The following DOK6 variants were observed in gnomAD, a reference collection of about 807,000 sequenced individuals.
DOK6 encodes downstream of tyrosine kinase 6.
Under a neutral mutation model 44.0 loss-of-function variants are expected in DOK6, and 22 were observed. The observed-to-expected ratio is 0.50, with a 90% CI of 0.36 to 0.71. The LOEUF (loss-of-function observed/expected upper bound fraction) is 0.71, where lower values mean the gene tolerates loss of function less well. Among genes scored for constraint, DOK6 ranks in the 30% least tolerant of loss-of-function variants. DOK6 has a pLI of 0.00. For missense variants in DOK6, 340 were observed against 416.4 expected, an observed-to-expected ratio of 0.82 and a Z score of 1.60; for synonymous variants, 166 against 145.5, an observed-to-expected ratio of 1.14 and a Z score of -1.01.
chr18:69,757,100 T>A (rs78977821), intron 6 of DOK6, among the ~76,000 whole-genome samples: 1 of 152,252 alleles, frequency 6.6e-6, no homozygotes, highest in African/African-American at 2.4e-5. Context: ...TTCTCAGCAA[T>A]CCTTAAAATG....
At chr18:69,438,585 A>C (rs1476540447) in intron 1 of DOK6, among the ~76,000 whole-genome samples, 1 of 152,202 alleles carries the variant, frequency 6.6e-6, no homozygotes, top group Non-Finnish European at 1.5e-5. Context: ...ATGAATCAGA[A>C]ATGTTCTTCA....
chr18:69,769,840 C>A (rs1979835218), intron 7 of DOK6, among the ~76,000 whole-genome samples: 1 of 152,082 alleles, frequency 6.6e-6, no homozygotes. Flanking sequence ...CACCCCAGTT[C>A]AGAATTTAAC....
At chr18:69,594,194 T>TA (rs1387726455) in intron 2 of DOK6, among the ~76,000 whole-genome samples, 1 of 148,522 alleles carries the variant, frequency 6.7e-6, no homozygotes, top group Non-Finnish European at 1.5e-5. Flanking sequence ...TTTTTTTTTT[T>TA]ACTGAAAGGG....
chr18:69,493,972 G>T (rs1980809450), intron 1 of DOK6, among the ~76,000 whole-genome samples: 1 of 152,156 alleles, frequency 6.6e-6, no homozygotes, highest in Non-Finnish European at 1.5e-5. Context: ...ATTCACACAG[G>T]CCACTTTACT....
intron 2 of DOK6, among the ~76,000 whole-genome samples, chr18:69,592,457 A>G (rs1983644728): frequency 6.6e-6 from 1 of 152,080 alleles, no homozygotes; most frequent in Admixed American, 6.6e-5. Context: ...CTTTGTCTCT[A>G]CTAGCACCGT....
chr18:69,763,218 C>T (rs543412094), intron 7 of DOK6, among the ~76,000 whole-genome samples: 6 of 152,302 alleles, frequency 3.9e-5, no homozygotes, highest in South Asian at 2.1e-4. Flanking sequence ...AATCTCTGTC[C>T]GTAAGTGGTT....
At chr18:69,696,118 G>A (rs1361446549) in intron 4 of DOK6, among the ~76,000 whole-genome samples, 1 of 152,194 alleles carries the variant, frequency 6.6e-6, no homozygotes, top group Non-Finnish European at 1.5e-5. Context: ...CCTATATCAT[G>A]TGAATCTTAT....
At chr18:69,777,772 A>AAAGGATTC (rs1232204327) in intron 7 of DOK6, 1 of 151,310 alleles carries the variant, frequency 6.6e-6, no homozygotes. Context: ...AAAAAAGCAG[A>AAAGGATTC]AAGGATTCAA....
chr18:69,479,598 A>C (rs1980362619), intron 1 of DOK6, among the ~76,000 whole-genome samples: 1 of 152,160 alleles, frequency 6.6e-6, no homozygotes, highest in Non-Finnish European at 1.5e-5. Flanking sequence ...GAAAGGAACC[A>C]ATTCATTAAT....
At chr18:69,513,340 G>A (rs536427931) in intron 1 of DOK6, among the ~76,000 whole-genome samples, 7 of 152,224 alleles carry the variant, frequency 4.6e-5, no homozygotes, top group South Asian at 2.1e-4. Flanking sequence ...TCAGACACAC[G>A]CCTTTGAGCA....
chr18:69,781,189 C>G (rs1428162594), intron 7 of DOK6: 2 of 152,082 alleles, frequency 1.3e-5, no homozygotes, highest in African/African-American at 4.8e-5. Flanking sequence ...CATCTGCACT[C>G]TTAAAGAGGA....
rs568978575 is a variant in DOK6 at position 69,794,122 on chromosome 18, A to G, written c.856+36249A>G. ...TTTTGCTCAGTACATTTATGAAATA[A>G]TCCTGTTATGTGTCTTATGGTGGTC... On this transcript the variant is annotated intron_variant, in intron 7 of 7. Transcript: ENST00000382713. 1.6e-4 allele frequency among the ~76,000 whole-genome samples: 25 copies of G among 152,254 alleles called. 1 individual carries two copies. In the South Asian group the frequency reaches 4.1e-3, roughly 25 times the overall value.
intron 7 of DOK6, among the ~76,000 whole-genome samples, chr18:69,794,445 C>G (rs1980686448): frequency 6.6e-6 from 1 of 152,106 alleles, no homozygotes; most frequent in South Asian, 2.1e-4. Context: ...CTATAATATC[C>G]ATTGTTTCTG....
intron 3 of DOK6, among the ~76,000 whole-genome samples, chr18:69,636,613 C>T (rs970724247): frequency 6.6e-6 from 1 of 152,184 alleles, no homozygotes; most frequent in African/African-American, 2.4e-5. Context: ...GAGTTGTTTG[C>T]CTTGGGCTCT....
chr18:69,522,133 C>A (rs936132173), intron 1 of DOK6, among the ~76,000 whole-genome samples: 11 of 151,644 alleles, frequency 7.3e-5, no homozygotes, highest in Admixed American at 4.6e-4. Flanking sequence ...TCGAATGGAC[C>A]TGAGGGATAA....
intron 7 of DOK6, among the ~76,000 whole-genome samples, chr18:69,820,505 G>A (rs1309072685): frequency 1.3e-5 from 2 of 152,132 alleles, no homozygotes; most frequent in East Asian, 3.9e-4. Context: ...AAGTAACAGA[G>A]ACATTTGGCC....
At chr18:69,415,891 T>C (rs971843246) in intron 1 of DOK6, among the ~76,000 whole-genome samples, 12 of 152,112 alleles carry the variant, frequency 7.9e-5, no homozygotes, top group African/African-American at 2.7e-4. Context: ...TTAAGGGATT[T>C]TAGGTTGGCT....
At chr18:69,509,930 A>G (rs1981318219) in intron 1 of DOK6, among the ~76,000 whole-genome samples, 1 of 152,232 alleles carries the variant, frequency 6.6e-6, no homozygotes, top group South Asian at 2.1e-4. Context: ...ACTTCAATGC[A>G]GAAACAGCAG....
chr18:69,639,370 A>G (rs1484391830), intron 3 of DOK6, among the ~76,000 whole-genome samples: 1 of 152,182 alleles, frequency 6.6e-6, no homozygotes, highest in African/African-American at 2.4e-5. Flanking sequence ...AAGAGTCCAC[A>G]CTTGATAAGG....
Sources: gnomAD v4.1 joint callset for allele counts (sites outside exome capture counted in the v4.1 genomes callset) on GRCh38, gnomAD v4.1.1 for gene constraint, MANE v1.5 for transcripts, NCBI Gene and HGNC (gene_info 2026-07-23, HGNC 2026-07-21) for gene names.